Variants in POLQ observed in about 807,000 individuals in gnomAD.
POLQ encodes the protein DNA polymerase theta.
Under a neutral mutation model 259.2 loss-of-function variants are expected in POLQ, and 233 were observed. That is an observed-to-expected ratio of 0.90 (90% CI 0.81 to 1.00). The LOEUF (loss-of-function observed/expected upper bound fraction) is 1.00. Among genes scored for constraint, POLQ ranks in the 50% least tolerant of loss-of-function variants. The pLI, the probability that POLQ is intolerant of heterozygous loss-of-function variation, is 0.00. For missense variants in POLQ, 2,871 were observed against 3,051.6 expected (o/e 0.94, Z 1.39); for synonymous variants, 1,025 against 1,048.8 (o/e 0.98, Z 0.44).
chr3:121,438,726 T>C (rs2047564519), intron 27 of POLQ, among the ~76,000 whole-genome samples: 2 of 152,214 alleles, frequency 1.3e-5, no homozygotes, highest in African/African-American at 2.4e-5. Context: ...TTTTCATATA[T>C]ATTTTTTTGT....
At chr3:121,491,320 TC>T (rs2048066659) in intron 15 of POLQ, among the ~76,000 whole-genome samples, 1 of 112,688 alleles carries the variant, frequency 8.9e-6, no homozygotes, top group Non-Finnish European at 1.6e-5. Context: ...GCCATTGCAC[TC>T]CAGGGCGACA....
intron 24 of POLQ, among the ~76,000 whole-genome samples, chr3:121,463,733 T>C (rs1452124482): frequency 6.6e-6 from 1 of 152,346 alleles, no homozygotes; most frequent in East Asian, 1.9e-4. Context: ...TTTCATCATA[T>C]AGACAATGCT....
chr3:121,502,922 C>A (rs2048183061), intron 12 of POLQ, among the ~76,000 whole-genome samples: 1 of 151,558 alleles, frequency 6.6e-6, no homozygotes, highest in Non-Finnish European at 1.5e-5. Flanking sequence ...ACCTGATAAA[C>A]CCTTGAGTAA....
Position 121,490,347 on chromosome 3 carries a change from T to G in POLQ, c.2584A>C (p.Ile862Leu), listed in dbSNP as rs368236641. Residue 862 changes from isoleucine to leucine, a missense_variant, in exon 16 of 30, where the codon ATC becomes CTC. By Grantham distance (5) the Ile-to-Leu change is conservative. Transcript: ENST00000264233. ...AVEERRNMRT[I>L]WVTGRKGLTE... ...AAACCTTTTCTGCCAGTCACCCAGA[T>G]AGTTCGCATATTGCGACGTTCTTCA... is the stretch of plus-strand genomic sequence containing the variant. The G allele has an allele frequency of 6.2e-6, 10 of 1,614,136 alleles. No individual in the cohort carries two copies. Among genetic ancestry groups the G allele is most frequent in the African/African-American group, 4.0e-5 (3 of 74,946 alleles).
Position 121,522,152 on chromosome 3 carries a change from G to A in POLQ, c.1109-3C>T. The A allele has an allele frequency of 1.3e-6, 2 of 1,590,064 alleles. No homozygotes were observed. The highest frequency in any genetic ancestry group is 1.7e-6 in the Non-Finnish European group (2 of 1,172,962). ...GCATTCAGAGGGTTTCACCAATCCT[G>A]TCACAAAAAAATTATCAACACCATT... On this transcript the variant is annotated splice_region_variant and splice_polypyrimidine_tract_variant and intron_variant, in intron 7 of 29. Transcript: ENST00000264233.
intron 12 of POLQ, among the ~76,000 whole-genome samples, chr3:121,505,989 TC>T (rs2048205524): frequency 7.5e-6 from 1 of 133,776 alleles, no homozygotes; most frequent in Non-Finnish European, 1.5e-5. Context: ...ACCATTGCAC[TC>T]CAGCCTGGGT....
At position 121,487,472 on chromosome 3, in the gene POLQ, C is replaced by T. The variant is rs2048021509; in HGVS notation, c.5459G>A (p.Ser1820Asn). ...QDGLQLTPAS[S>N]SSESLSIIDV... Reference sequence around the variant, plus strand: ...AATTATGGACAAACTTTCTGAACTGCTTGAGGCTGGAGTTAACTGTAATCC... The same window carrying T: ...AATTATGGACAAACTTTCTGAACTGTTTGAGGCTGGAGTTAACTGTAATCC... Residue 1820 changes from serine (S) to asparagine (N), a missense_variant, in exon 16 of 30, where the codon AGC becomes AAC. Transcript: ENST00000264233. The T allele has an allele frequency of 6.2e-7, 1 of 1,614,054 alleles. No individual in the cohort carries two copies. Among genetic ancestry groups the T allele is most frequent in the Non-Finnish European group, 8.5e-7 (1 of 1,179,986 alleles).
intron 5 of POLQ, among the ~76,000 whole-genome samples, chr3:121,536,516 T>C (rs2048452211): frequency 1.3e-5 from 2 of 152,134 alleles, no homozygotes; most frequent in African/African-American, 2.4e-5. Flanking sequence ...TACTTATATA[T>C]ATATAGATGA....
At chr3:121,457,173 C>T (rs1444748375) in intron 25 of POLQ, among the ~76,000 whole-genome samples, 10 of 152,164 alleles carry the variant, frequency 6.6e-5, no homozygotes, top group African/African-American at 1.7e-4. Context: ...GGAAAACTGG[C>T]TAGCCATATG....
At chr3:121,465,745 TTG>T (rs2047829386) in intron 24 of POLQ, among the ~76,000 whole-genome samples, 1 of 152,188 alleles carries the variant, frequency 6.6e-6, no homozygotes, top group South Asian at 2.1e-4. Context: ...TTGATCAATT[TTG>T]TGTGTGTTCT....
chr3:121,520,156 T>C (rs1331535996), intron 8 of POLQ, 73 bp from the exon 9 acceptor site: 1 of 833,082 alleles, frequency 1.2e-6, no homozygotes, highest in East Asian at 2.6e-5. Context: ...TACAAATGGA[T>C]TTGAGAGTCT....
chr3:121,491,328 G>A (rs1423125528), intron 15 of POLQ, among the ~76,000 whole-genome samples: 5 of 126,872 alleles, frequency 3.9e-5, no homozygotes, highest in Admixed American at 9.3e-5. Context: ...ACTCCAGGGC[G>A]ACAGAGCGAG....
chr3:121,511,702 C>T (rs1218090094), intron 10 of POLQ, among the ~76,000 whole-genome samples, 185 bp downstream of exon 10: 5 of 152,072 alleles, frequency 3.3e-5, no homozygotes, highest in South Asian at 4.1e-4. Context: ...TGCTTGAACC[C>T]GGGAGGCGGA....
At chr3:121,453,621 A>C (rs1367918870) in intron 25 of POLQ, among the ~76,000 whole-genome samples, 1 of 152,254 alleles carries the variant, frequency 6.6e-6, no homozygotes, top group East Asian at 1.9e-4. Context: ...GATGCGATCA[A>C]CTGGAAGAAA....
chr3:121,489,392 T>C lies in POLQ; in HGVS notation c.3539A>G (p.Gln1180Arg), dbSNP rs1266426002. 6.2e-7 allele frequency: 1 copy of C among 1,613,670 alleles called. No individual in the cohort carries two copies. Among genetic ancestry groups the C allele is most frequent in the Non-Finnish European group, 8.5e-7 (1 of 1,179,906 alleles). The change falls in exon 16 of 30, where the codon CAG becomes CGG. Residue 1180 changes from glutamine (Q) to arginine (R), a missense_variant. Coordinates refer to ENST00000264233, the MANE Select transcript of POLQ (RefSeq NM_199420.4). ...GTCATGGTGTTTCATATAAACATTCTGGTTTTTTGAACCATTTTGTATCAG... is the reference window on the plus strand; with the variant it reads ...GTCATGGTGTTTCATATAAACATTCCGGTTTTTTGAACCATTTTGTATCAG... ...EVLIQNGSKN[Q>R]NVYMKHHDIH... is the part of the protein sequence containing the mutation.
intron 12 of POLQ, among the ~76,000 whole-genome samples, chr3:121,505,586 T>C (rs768641451): frequency 6.6e-6 from 1 of 152,152 alleles, no homozygotes; most frequent in Non-Finnish European, 1.5e-5. Context: ...AAGATAAAAG[T>C]TGCCATCTTG....
chr3:121,452,430 C>T (rs1286996456), intron 25 of POLQ, among the ~76,000 whole-genome samples: 10 of 152,032 alleles, frequency 6.6e-5, no homozygotes. Context: ...CCCACCGCCA[C>T]GTTTTTTAAT....
chr3:121,455,295 T>C (rs1366942892), intron 25 of POLQ, among the ~76,000 whole-genome samples: 2 of 139,874 alleles, frequency 1.4e-5, no homozygotes, highest in South Asian at 2.5e-4. Context: ...GATCCAAAAT[T>C]GACACCCTAA....
intron 26 of POLQ, among the ~76,000 whole-genome samples, chr3:121,446,785 C>T (rs1160021724): frequency 6.6e-6 from 1 of 151,954 alleles, no homozygotes; most frequent in Admixed American, 6.6e-5. Context: ...TTTTTGGTTT[C>T]CATTGGCATG....
Sources: gnomAD v4.1 joint callset for allele counts (sites outside exome capture counted in the v4.1 genomes callset) on GRCh38, gnomAD v4.1.1 for gene constraint, MANE v1.5 for transcripts, NCBI Gene and HGNC (gene_info 2026-07-23, HGNC 2026-07-21) for gene names.